The following SF3B2 variants were observed in gnomAD, a reference collection of about 807,000 sequenced individuals.
SF3B2 encodes SAP 145.
A neutral mutation model predicts 116.3 loss-of-function variants in SF3B2; 22 were observed. The observed-to-expected ratio is 0.19, with a 90% confidence interval of 0.14 to 0.27. The LOEUF (loss-of-function observed/expected upper bound fraction) is 0.27. SF3B2 is among the 10% of genes least tolerant of loss of function. The probability of loss-of-function intolerance (pLI) is 1.00; values close to 1 mark genes in which losing one functional copy is unlikely to be tolerated. For synonymous variants in SF3B2, 406 were observed against 421.6 expected (o/e 0.96, Z 0.45); for missense variants, 767 against 1,151.4 (o/e 0.67, Z 4.83).
chr11:66,058,377 A>C lies in SF3B2; in HGVS notation c.938A>C (p.Glu313Ala), dbSNP rs1218929176. 1 of 1,614,078 alleles carries C rather than the reference A, an allele frequency of 6.2e-7. No individual in the cohort carries two copies. Among genetic ancestry groups the C allele is most frequent in the Non-Finnish European group, 8.5e-7 (1 of 1,179,970 alleles). Residue 313 changes from glutamate (E) to alanine (A), a missense_variant, in exon 9 of 22, where the codon GAG becomes GCG. Around this residue, in one of 4 missense-constraint regions of SF3B2, gnomAD observed 455 missense variants for 537.5 expected, o/e 0.85. Transcript: ENST00000322535. ...GGCCAGTCAGCGTCAGAGACTGAGG[A>C]GGACACAGTGTCCGTATCTAAAAAG... ...SLGQSASETEEDTVSVSKKEK... is the reference protein window; with the variant it reads ...SLGQSASETEADTVSVSKKEK...
chr11:66,057,561 T>G (rs1359093333), intron 7 of SF3B2, among the ~76,000 whole-genome samples, 186 bp downstream of exon 7: 1 of 151,700 alleles, frequency 6.6e-6, no homozygotes, highest in Non-Finnish European at 1.5e-5. Context: ...TGAGGCAGAG[T>G]CTTGGGGTCC....
At position 66,055,597 on chromosome 11, in the gene SF3B2, C is replaced by T; in HGVS notation, c.549+12C>T. On this transcript the variant is annotated intron_variant, in intron 5 of 21. Coordinates refer to ENST00000322535, the MANE Select transcript of SF3B2 (RefSeq NM_006842.3). The stretch of plus-strand genomic sequence containing the variant: ...AGCAGCAGAAGCGGGTAATACCCCT[C>T]CCCCTAACCTTTGACCTCGTGGTCC... 6.2e-7 allele frequency: 1 copy of T among 1,613,676 alleles called. No individual in the cohort carries two copies. The highest frequency in any genetic ancestry group is 8.5e-7 in the Non-Finnish European group (1 of 1,179,590).
rs1856926352 is a variant in SF3B2 at position 66,053,384 on chromosome 11, A to G, written c.258+280A>G. 6.5e-6 allele frequency: 3 copies of G among 460,254 alleles called. No individual in the cohort carries two copies. In the South Asian group the frequency reaches 7.0e-5, roughly 11 times the overall value. 28.5% of individuals were successfully genotyped at this position (460,254 alleles called of 1,614,324 possible). A position where few individuals can be genotyped will look rare whatever the true frequency, so the allele number is the denominator to read the frequency against. On this transcript the variant is annotated intron_variant, in intron 3 of 21. Coordinates refer to ENST00000322535, the MANE Select transcript of SF3B2 (RefSeq NM_006842.3). ...CTCCTTTTCCACTGTCTGCTTCTCC[A>G]AAAGCAGCTTGTGGCCGGGTGCAGT...
intron 7 of SF3B2, 128 bp from the exon 8 acceptor site, chr11:66,057,926 C>G: frequency 1.5e-6 from 1 of 665,676 alleles, no homozygotes; most frequent in Admixed American, 3.0e-5. Context: ...GGGCCGAGAT[C>G]GCGCCATTGC....
Position 66,053,101 on chromosome 11 carries a change from A to G in SF3B2, c.255A>G (p.Ala85=). Residue 85 remains alanine (A), a synonymous_variant, in exon 3 of 22, where the codon GCA becomes GCG. Transcript: ENST00000322535. ...GDKAAPPPMS[A]QLPGIPMPPP... ...AAGCCGCTCCACCTCCCATGTCGGC[A>G]CAGGTAGGGAGATTCTTCTGTTTTT... The G allele has an allele frequency of 6.2e-7, 1 of 1,613,800 alleles. No homozygotes were observed. The highest frequency in any genetic ancestry group is 1.3e-5 in the African/African-American group (1 of 75,030).
chr11:66,059,771 G>A lies in SF3B2; in HGVS notation c.1402-11G>A, dbSNP rs1385477081. The A allele has an allele frequency of 1.2e-6, 2 of 1,614,108 alleles. No individual in the cohort carries two copies. Among genetic ancestry groups the A allele is most frequent in the South Asian group, 1.1e-5 (1 of 91,084 alleles). On this transcript the variant is annotated splice_polypyrimidine_tract_variant and intron_variant, in intron 12 of 21. Coordinates refer to ENST00000322535, the MANE Select transcript of SF3B2 (RefSeq NM_006842.3). This position sits in a 1 kb window ranked among gnomAD's most constrained non-coding sequence, Gnocchi z 5.0. The stretch of plus-strand genomic sequence containing the variant: ...GGCTCTCGAGAACACGCATTACTAT[G>A]TGTTTTCCAGCTGGTGGCTCGGCCC...
Position 66,068,910 on chromosome 11 carries a change from C to T in SF3B2, c.*165C>T, listed in dbSNP as rs986791742. The T allele has an allele frequency of 1.6e-5, 10 of 606,394 alleles. No individual in the cohort carries two copies. The highest frequency in any genetic ancestry group is 2.9e-5 in the Non-Finnish European group (10 of 340,698). 37.6% of individuals were successfully genotyped at this position (606,394 alleles called of 1,614,324 possible). A position where few individuals can be genotyped will look rare whatever the true frequency, so the allele number is the denominator to read the frequency against. ...CAAGGAAAGAGATGAATATTTAACA[C>T]TCCTGAGCCTCCCTCATCTCCTTTT... is the stretch of plus-strand genomic sequence containing the variant. On this transcript the variant is annotated 3_prime_UTR_variant, in exon 22 of 22. Coordinates refer to ENST00000322535, the MANE Select transcript of SF3B2 (RefSeq NM_006842.3).
In SF3B2 at chr11:66,053,107, A is replaced by G. The variant is rs1010693641; in HGVS notation, c.258+3A>G. 1 of 1,613,440 alleles carries G rather than the reference A, an allele frequency of 6.2e-7. No homozygotes were observed. Among genetic ancestry groups the G allele is most frequent in the African/African-American group, 1.3e-5 (1 of 75,018 alleles). On this transcript the variant is annotated splice_donor_region_variant and intron_variant, in intron 3 of 21. Transcript: ENST00000322535. ...CTCCACCTCCCATGTCGGCACAGGT[A>G]GGGAGATTCTTCTGTTTTTTAAGAT...
In SF3B2 at chr11:66,068,295, T is replaced by A; in HGVS notation, c.2578T>A (p.Phe860Ile). 1 of 1,613,664 alleles carries A rather than the reference T, an allele frequency of 6.2e-7. No homozygotes were observed. Among genetic ancestry groups the A allele is most frequent in the Non-Finnish European group, 8.5e-7 (1 of 1,179,946 alleles). Reference protein sequence around the residue: ...EQQAQVEKEDFSDMVAEHAAK... With the variant: ...EQQAQVEKEDISDMVAEHAAK... Reference sequence around the variant, plus strand: ...GCAGGCTCAAGTAGAGAAGGAGGACTTCAGTGACATGGTGGCTGAGCACGC... The same window carrying A: ...GCAGGCTCAAGTAGAGAAGGAGGACATCAGTGACATGGTGGCTGAGCACGC... Residue 860 changes from phenylalanine to isoleucine, a missense_variant, in exon 21 of 22, where the codon TTC (phenylalanine) becomes ATC (isoleucine). By Grantham distance (21) the Phe-to-Ile change is conservative (BLOSUM62 0). Transcript: ENST00000322535.
chr11:66,060,615 G>C lies in SF3B2; in HGVS notation c.1663G>C (p.Glu555Gln), dbSNP rs1384985231. The stretch of plus-strand genomic sequence containing the variant: ...GAAGACCATGAAGTCAAAAATGCGA[G>C]AGAAAGTTCGGCCTAAGATGGGCAA... ...EQKTMKSKMR[E>Q]KVRPKMGKID... is the part of the protein sequence containing the mutation. The change falls in exon 14 of 22, where the codon GAG (glutamate) becomes CAG (glutamine). Residue 555 changes from glutamate to glutamine, a missense_variant. Coordinates refer to ENST00000322535, the MANE Select transcript of SF3B2 (RefSeq NM_006842.3). 1 of 1,614,144 alleles carries C rather than the reference G, an allele frequency of 6.2e-7. No individual in the cohort carries two copies. The highest frequency in any genetic ancestry group is 2.2e-5 in the East Asian group (1 of 44,878).
Position 66,063,486 on chromosome 11 carries a change from G to A in SF3B2, c.2172G>A (p.Glu724=). 1 of 1,614,192 alleles carries A rather than the reference G, an allele frequency of 6.2e-7. No individual in the cohort carries two copies. Among genetic ancestry groups the A allele is most frequent in the Non-Finnish European group, 8.5e-7 (1 of 1,180,014 alleles). ...SDEESSEEEE[E]EESDEDKPDE... is the part of the protein sequence containing the mutation. ...AAGAATCCTCAGAAGAAGAGGAAGA[G>A]GAAGAAAGTGATGAAGACAAACCAG... The change falls in exon 18 of 22, where the codon GAG becomes GAA. Residue 724 remains glutamate (E), a synonymous_variant. Transcript: ENST00000322535.
chr11:66,063,083 G>C lies in SF3B2; in HGVS notation c.2052G>C (p.Gly684=). The C allele has an allele frequency of 5.6e-6, 9 of 1,613,936 alleles. No homozygotes were observed. The highest frequency in any genetic ancestry group is 7.6e-6 in the Non-Finnish European group (9 of 1,179,894). Residue 684 remains glycine, a synonymous_variant, in exon 17 of 22, where the codon GGG becomes GGC. Transcript: ENST00000322535. ...ATGAGACTGGGAAACCGCTCTATGG[G>C]GACGTGTTTGGAACCAATGCTGCTG... The part of the protein sequence containing the change: ...PVDETGKPLY[G]DVFGTNAAEF...
At chr11:66,067,809 C>A in intron 19 of SF3B2, 137 bp from the exon 20 acceptor site, 1 of 687,730 alleles carries the variant, frequency 1.5e-6, no homozygotes, top group Non-Finnish European at 2.5e-6. Context: ...ATGGGCAGAA[C>A]TGCAGAGGCT....
intron 1 of SF3B2, 40 bp from the exon 2 acceptor site, chr11:66,052,633 G>T: frequency 6.3e-7 from 1 of 1,594,852 alleles, no homozygotes; most frequent in Non-Finnish European, 8.5e-7. Flanking sequence ...TGACCTGGCC[G>T]GGCTGGCCTG....
Position 66,069,082 on chromosome 11 carries a change from C to G in SF3B2, c.*337C>G. On this transcript the variant is annotated 3_prime_UTR_variant, in exon 22 of 22. Transcript: ENST00000322535. ...CTGAAATCTGTGTTTCACCACTGCCCTGCTTTGTAGGAAGGCTTGGGGGAA... is the reference window on the plus strand; with the variant it reads ...CTGAAATCTGTGTTTCACCACTGCCGTGCTTTGTAGGAAGGCTTGGGGGAA... 2.6e-6 allele frequency: 1 copy of G among 381,676 alleles called. No individual in the cohort carries two copies. The highest frequency in any genetic ancestry group is 5.1e-6 in the Non-Finnish European group (1 of 197,728). The allele number at this position is 381,676 out of a possible 1,614,324, so 23.6% of individuals were successfully genotyped here.
chr11:66,057,163 T>G, intron 6 of SF3B2, 103 bp from the exon 7 acceptor site: 1 of 905,586 alleles, frequency 1.1e-6, no homozygotes, highest in Non-Finnish European at 1.9e-6. Context: ...CCACGTGCCC[T>G]CCTCCCCTGC....
rs746754303 is a variant in SF3B2 at position 66,059,468 on chromosome 11, C to G, written c.1321-47C>G. 5.0e-6 allele frequency: 8 copies of G among 1,611,054 alleles called. No homozygotes were observed. The highest frequency in any genetic ancestry group is 6.8e-6 in the Non-Finnish European group (8 of 1,177,408). The stretch of plus-strand genomic sequence containing the variant: ...AAGGTTGGGGTGGGTTGGGCAGTTT[C>G]ATTCACATCTGAGTCCTGCTTAAAA... On this transcript the variant is annotated intron_variant, in intron 11 of 21. Coordinates refer to ENST00000322535, the MANE Select transcript of SF3B2 (RefSeq NM_006842.3). This position sits in a 1 kb window ranked among gnomAD's most constrained non-coding sequence, Gnocchi z 5.0.
intron 5 of SF3B2, among the ~76,000 whole-genome samples, chr11:66,056,127 T>A (rs1409397563): frequency 6.6e-6 from 1 of 152,142 alleles, no homozygotes; most frequent in African/African-American, 2.4e-5. Context: ...ATGAGCTGGG[T>A]GCCGTGGCTC....
In SF3B2 at chr11:66,060,147, T is replaced by C. The variant is rs1401219441; in HGVS notation, c.1629+138T>C. The C allele has an allele frequency of 1.1e-5, 9 of 785,080 alleles. No homozygotes were observed. The East Asian group carries it at 2.1e-4, about 19-fold the overall frequency. 48.6% of individuals were successfully genotyped at this position (785,080 alleles called of 1,614,324 possible). A position where few individuals can be genotyped will look rare whatever the true frequency, so the allele number is the denominator to read the frequency against. ...TCTAATTATCCTTTTGTTTTCCTCC[T>C]CTGCTCTTCCTCCCCTCTGCCTTCA... On this transcript the variant is annotated intron_variant, in intron 13 of 21. Transcript: ENST00000322535.
Sources: gnomAD v4.1 joint callset for allele counts (sites outside exome capture counted in the v4.1 genomes callset) on GRCh38, gnomAD v4.1.1 for gene constraint, gnomAD v4.1.1 regional missense constraint, Gnocchi (gnomAD v3.1) non-coding constraint, MANE v1.5 for transcripts, NCBI Gene and HGNC (gene_info 2026-07-23, HGNC 2026-07-21) for gene names.